Variants in MTMR8 observed in about 807,000 individuals in gnomAD.
MTMR8 encodes phosphatidylinositol-3,5-bisphosphate 3-phosphatase MTMR8.
MTMR8 carries 65 observed loss-of-function variants against 39.3 expected under a neutral mutation model. That is an observed-to-expected ratio of 1.65 (90% CI 1.35 to 2.03). MTMR8 has a LOEUF of 2.03. MTMR8 is among the 30% of genes most tolerant of loss of function. The pLI, the probability that MTMR8 is intolerant of heterozygous loss-of-function variation, is 0.00. For missense variants in MTMR8, 777 were observed against 538.9 expected (o/e 1.44, Z -4.37); for synonymous variants, 245 against 185.2 (o/e 1.32, Z -2.62).
intron 12 of MTMR8, among the ~76,000 whole-genome samples, chrX:64,296,395 G>C (rs2147195343): frequency 9.1e-6 from 1 of 110,408 alleles, no homozygotes; most frequent in African/African-American, 3.3e-5. Context: ...GGATAATGAT[G>C]GTAGATGCAC....
intron 6 of MTMR8, among the ~76,000 whole-genome samples, chrX:64,345,805 T>G (rs1602140616): frequency 9.0e-6 from 1 of 111,506 alleles, no homozygotes; most frequent in South Asian, 3.8e-4. Context: ...ATGTTTTTTG[T>G]AAAGACAGTC....
chrX:64,283,244 G>A (rs1256412760), intron 12 of MTMR8, among the ~76,000 whole-genome samples: 2 of 111,968 alleles, frequency 1.8e-5, no homozygotes, highest in African/African-American at 6.5e-5. Flanking sequence ...AGCAGTCTGA[G>A]ATGGAACTGC....
chrX:64,307,734 A>T (rs956770325), intron 12 of MTMR8, among the ~76,000 whole-genome samples: 4 of 112,060 alleles, frequency 3.6e-5, no homozygotes, highest in Non-Finnish European at 7.5e-5. Context: ...TCCAAAAAAA[A>T]TCTGCCTGCG....
intron 12 of MTMR8, among the ~76,000 whole-genome samples, chrX:64,321,162 A>C (rs1922633709): frequency 9.0e-6 from 1 of 111,567 alleles, no homozygotes; most frequent in African/African-American, 3.3e-5. Flanking sequence ...AAAAATTATG[A>C]GGCATTCAGA....
chrX:64,287,502 T>C (rs1208732455), intron 12 of MTMR8, among the ~76,000 whole-genome samples: 5 of 110,962 alleles, frequency 4.5e-5, no homozygotes, highest in African/African-American at 9.8e-5. Context: ...GAGCCCGCAT[T>C]GCCAAGTCAA....
intron 12 of MTMR8, among the ~76,000 whole-genome samples, chrX:64,312,965 T>C (rs1305870127): frequency 8.9e-6 from 1 of 112,415 alleles, no homozygotes; most frequent in Non-Finnish European, 1.9e-5. Flanking sequence ...TCATCTAGGC[T>C]TTTTTGTTCT....
intron 8 of MTMR8, among the ~76,000 whole-genome samples, chrX:64,338,926 G>A (rs1012502204): frequency 2.7e-5 from 3 of 111,855 alleles, no homozygotes; most frequent in Non-Finnish European, 5.6e-5. Context: ...GTGGATGGTA[G>A]TGCCATTAGA....
At chrX:64,298,506 C>A (rs1172879073) in intron 12 of MTMR8, among the ~76,000 whole-genome samples, 2 of 82,652 alleles carry the variant, frequency 2.4e-5, no homozygotes, top group Non-Finnish European at 4.1e-5. Flanking sequence ...TCTAGATATA[C>A]AATCATGTCA....
intron 12 of MTMR8, among the ~76,000 whole-genome samples, chrX:64,310,951 CA>C (rs1268591337): frequency 1.8e-5 from 2 of 111,720 alleles, no homozygotes; most frequent in Non-Finnish European, 3.8e-5. Context: ...AATAGTGCCA[CA>C]ATATACATAC....
intron 12 of MTMR8, among the ~76,000 whole-genome samples, chrX:64,281,799 C>T (rs1249230601): frequency 9.1e-6 from 1 of 110,186 alleles, no homozygotes; most frequent in Non-Finnish European, 1.9e-5. Flanking sequence ...ATCTACCCAT[C>T]TGACAAAGTT....
At chrX:64,277,865 A>T (rs1931914593) in intron 12 of MTMR8, among the ~76,000 whole-genome samples, 1 of 111,024 alleles carries the variant, frequency 9.0e-6, no homozygotes, top group South Asian at 3.9e-4. Flanking sequence ...CAGGTACACC[A>T]ATCAAATGTA....
intron 1 of MTMR8, among the ~76,000 whole-genome samples, chrX:64,370,255 T>G (rs191774256): frequency 9.0e-6 from 1 of 111,174 alleles, no homozygotes; most frequent in Non-Finnish European, 1.9e-5. Flanking sequence ...TTAAATGGTG[T>G]TGTATGATGT....
intron 1 of MTMR8, among the ~76,000 whole-genome samples, chrX:64,381,331 G>T (rs1924412820): frequency 1.8e-5 from 2 of 111,830 alleles, no homozygotes; most frequent in Admixed American, 9.5e-5. Flanking sequence ...AAAACAATGT[G>T]CATTTCTCTG....
intron 6 of MTMR8, among the ~76,000 whole-genome samples, chrX:64,347,963 G>A (rs940015326): frequency 8.9e-6 from 1 of 112,003 alleles, no homozygotes; most frequent in Non-Finnish European, 1.9e-5. Flanking sequence ...AACAAATCAT[G>A]CAGCATTAGA....
At chrX:64,387,449 T>C (rs1924588629) in intron 1 of MTMR8, among the ~76,000 whole-genome samples, 1 of 110,864 alleles carries the variant, frequency 9.0e-6, no homozygotes, top group African/African-American at 3.3e-5. Flanking sequence ...GGGAAAATTA[T>C]TGATATCCAG....
intron 10 of MTMR8, among the ~76,000 whole-genome samples, chrX:64,333,830 T>G (rs938986280): frequency 8.9e-6 from 1 of 111,900 alleles, no homozygotes; most frequent in African/African-American, 3.2e-5. Flanking sequence ...AAGTCGATTC[T>G]TGGGTTATTC....
chrX:64,338,750 G>A (rs943279137), intron 8 of MTMR8, among the ~76,000 whole-genome samples: 20 of 111,928 alleles, frequency 1.8e-4, no homozygotes, highest in African/African-American at 5.5e-4. Context: ...TACTAAAATC[G>A]TGGAAGTCCA....
chrX:64,312,395 G>A (rs911119450), intron 12 of MTMR8, among the ~76,000 whole-genome samples: 1 of 111,876 alleles, frequency 8.9e-6, no homozygotes, highest in Non-Finnish European at 1.9e-5. Context: ...AGCTTAAGGA[G>A]CATTCCCTTT....
chrX:64,346,788 T>C (rs775873677), intron 6 of MTMR8, among the ~76,000 whole-genome samples: 1 of 111,152 alleles, frequency 9.0e-6, no homozygotes, highest in East Asian at 2.9e-4. Context: ...CTTTTGTTTC[T>C]TCAAAAGCTT....
Sources: allele counts gnomAD v4.1 joint callset (sites outside exome capture counted in the v4.1 genomes callset), GRCh38; gene constraint gnomAD v4.1.1; transcripts MANE v1.5; gene names NCBI Gene and HGNC (gene_info 2026-07-23, HGNC 2026-07-21).